The following FILIP1L variants were observed in gnomAD, a reference collection of about 807,000 sequenced individuals.
FILIP1L encodes the protein filamin A interacting protein 1 like, also known as filamin A-interacting protein 1-like.
A neutral mutation model predicts 96.6 loss-of-function variants in FILIP1L; 55 were observed. The ratio of observed to expected loss-of-function variants is 0.57; its 90% CI spans 0.46 to 0.71. The LOEUF (loss-of-function observed/expected upper bound fraction) is 0.71. Among genes scored for constraint, FILIP1L ranks in the 30% least tolerant of loss-of-function variants. The pLI is 0.00. For synonymous variants in FILIP1L, 467 were observed against 473.9 expected, an observed-to-expected ratio of 0.99 and a Z score of 0.19; for missense variants, 1,304 against 1,321.2, an observed-to-expected ratio of 0.99 and a Z score of 0.20.
At chr3:100,037,994 C>T (rs1393264157) in intron 1 of FILIP1L, among the ~76,000 whole-genome samples, 7 of 140,694 alleles carry the variant, frequency 5.0e-5, no homozygotes, top group African/African-American at 8.0e-5. Flanking sequence ...CTCGCTCTGT[C>T]GCCCAGGTGG....
chr3:100,014,864 TTTTTC>T (rs1330870568), intron 1 of FILIP1L, among the ~76,000 whole-genome samples: 4 of 148,174 alleles, frequency 2.7e-5, no homozygotes, highest in African/African-American at 7.4e-5. Context: ...ACCATTTGTC[TTTTTC>T]TTTTCTTTTT....
In FILIP1L at chr3:99,851,012, C is replaced by T; in HGVS notation, c.664G>A (p.Glu222Lys). 6.2e-7 allele frequency: 1 copy of T among 1,612,410 alleles called. No individual in the cohort carries two copies. Among genetic ancestry groups the T allele is most frequent in the Non-Finnish European group, 8.5e-7 (1 of 1,179,736 alleles). The part of the protein sequence containing the change: ...KSQEEKEQEK[E>K]KRVTTLKEEL... Reference sequence around the variant, plus strand: ...TCTTTCAGGGTGGTGACCCTTTTCTCCTTTTCTTGCTCCTTCTCCTCCTGA... The same window carrying T: ...TCTTTCAGGGTGGTGACCCTTTTCTTCTTTTCTTGCTCCTTCTCCTCCTGA... The change falls in exon 5 of 6, where the codon GAG becomes AAG. Residue 222 changes from glutamate to lysine, a missense_variant. Transcript: ENST00000477258.
Position 99,866,644 on chromosome 3 carries a change from G to C in FILIP1L, c.606-15574C>G, listed in dbSNP as rs956716164. On this transcript the variant is annotated intron_variant, in intron 4 of 5. Transcript: ENST00000477258. ...AGAGGTTCAGGCAGTTAGAGGATGA[G>C]GGTTAATGTGTGGCTTGGCTTCCTG... 1.5e-4 allele frequency among the ~76,000 whole-genome samples: 23 copies of C among 152,268 alleles called. 1 individual carries two copies. Among genetic ancestry groups the C allele is most frequent in the African/African-American group, 5.1e-4 (21 of 41,558 alleles).
intron 4 of FILIP1L, among the ~76,000 whole-genome samples, chr3:99,877,061 A>G (rs1033232034): frequency 2.0e-5 from 3 of 152,232 alleles, no homozygotes; most frequent in African/African-American, 7.2e-5. Context: ...AGTATGGGGT[A>G]GATTTACTTG....
At chr3:100,073,379 AG>A (rs2065793482) in intron 1 of FILIP1L, among the ~76,000 whole-genome samples, 1 of 152,240 alleles carries the variant, frequency 6.6e-6, no homozygotes, top group African/African-American at 2.4e-5. Flanking sequence ...GGCCCAGGAC[AG>A]CAAAATGAAG....
At chr3:100,077,862 C>T (rs1460552429) in intron 1 of FILIP1L, among the ~76,000 whole-genome samples, 1 of 151,998 alleles carries the variant, frequency 6.6e-6, no homozygotes, top group East Asian at 1.9e-4. Flanking sequence ...AAGCTGTGTT[C>T]GCATCACTAC....
At chr3:100,083,533 C>T (rs1188017199) in intron 1 of FILIP1L, among the ~76,000 whole-genome samples, 2 of 152,230 alleles carry the variant, frequency 1.3e-5, no homozygotes, top group African/African-American at 4.8e-5. Context: ...ATCATTGTGA[C>T]ATTTTCCCGT....
At chr3:99,889,142 G>A (rs1427836511) in intron 4 of FILIP1L, among the ~76,000 whole-genome samples, 1 of 152,062 alleles carries the variant, frequency 6.6e-6, no homozygotes, top group Non-Finnish European at 1.5e-5. Context: ...GTGTTGTTAA[G>A]ATCTTCTGTA....
chr3:99,866,111 G>A (rs1433804347), intron 4 of FILIP1L, among the ~76,000 whole-genome samples: 2 of 151,320 alleles, frequency 1.3e-5, no homozygotes, highest in Non-Finnish European at 2.9e-5. Flanking sequence ...TTTGTAGAAA[G>A]CATGTATCCT....
intron 1 of FILIP1L, among the ~76,000 whole-genome samples, chr3:100,025,774 A>G (rs910780502): frequency 4.6e-5 from 7 of 152,130 alleles, no homozygotes; most frequent in Admixed American, 6.6e-5. Context: ...GGATTCACAT[A>G]TACATTAGAG....
chr3:99,990,087 G>A (rs1484095827), intron 1 of FILIP1L, among the ~76,000 whole-genome samples: 1 of 152,120 alleles, frequency 6.6e-6, no homozygotes, highest in African/African-American at 2.4e-5. Context: ...GTTTGTTTGA[G>A]AAAGAGAAAT....
chr3:99,968,129 T>A (rs575399455), intron 1 of FILIP1L, among the ~76,000 whole-genome samples: 1 of 152,308 alleles, frequency 6.6e-6, no homozygotes, highest in East Asian at 1.9e-4. Context: ...CACCTAGCCT[T>A]ACGTGGCAAT....
chr3:100,031,775 C>G (rs1045307731), intron 1 of FILIP1L, among the ~76,000 whole-genome samples: 1 of 152,138 alleles, frequency 6.6e-6, no homozygotes, highest in Non-Finnish European at 1.5e-5. Flanking sequence ...CAAAGGGAAA[C>G]ACCCCACTAG....
chr3:99,999,803 A>G (rs1177901568), intron 1 of FILIP1L, among the ~76,000 whole-genome samples: 1 of 152,196 alleles, frequency 6.6e-6, no homozygotes, highest in Admixed American at 6.5e-5. Flanking sequence ...ACATCACCAA[A>G]CAGTGCATCC....
intron 4 of FILIP1L, among the ~76,000 whole-genome samples, chr3:99,918,478 A>C (rs1171601159): frequency 6.6e-6 from 1 of 152,188 alleles, no homozygotes; most frequent in Admixed American, 6.5e-5. Flanking sequence ...GTATGTTCAA[A>C]TACACATTCA....
chr3:99,840,192 T>G (rs1943069406), intron 5 of FILIP1L, among the ~76,000 whole-genome samples: 1 of 150,816 alleles, frequency 6.6e-6, no homozygotes, highest in East Asian at 2.0e-4. Context: ...CTGATAGGAT[T>G]AGGGGTAAAA....
intron 4 of FILIP1L, among the ~76,000 whole-genome samples, chr3:99,863,340 C>A (rs112020341): frequency 6.6e-6 from 1 of 152,128 alleles, no homozygotes; most frequent in Admixed American, 6.6e-5. Context: ...CTATGTGACC[C>A]GGTAATAGGC....
intron 1 of FILIP1L, among the ~76,000 whole-genome samples, chr3:100,100,786 A>G (rs1376407269): frequency 6.6e-6 from 1 of 152,186 alleles, no homozygotes; most frequent in Admixed American, 6.5e-5. Flanking sequence ...CAAGGTTAGT[A>G]TCGCCTTGCT....
chr3:99,947,097 C>T (rs1403576016), intron 1 of FILIP1L, among the ~76,000 whole-genome samples: 2 of 142,484 alleles, frequency 1.4e-5, no homozygotes, highest in African/African-American at 5.3e-5. Flanking sequence ...GAGATTGTGC[C>T]ACTGCACTCC....
Sources: allele counts gnomAD v4.1 joint callset (sites outside exome capture counted in the v4.1 genomes callset), GRCh38; gene constraint gnomAD v4.1.1; transcripts MANE v1.5; gene names NCBI Gene and HGNC (gene_info 2026-07-23, HGNC 2026-07-21).